Variants in FSTL4 observed in about 807,000 individuals in gnomAD.
The protein encoded by FSTL4 is follistatin-related protein 4.
Under a neutral mutation model 78.2 loss-of-function variants are expected in FSTL4, and 28 were observed. That is an observed-to-expected ratio of 0.36 (90% CI 0.27 to 0.49). The LOEUF is 0.49. Among genes scored for constraint, FSTL4 ranks in the 20% least tolerant of loss-of-function variants. The probability of loss-of-function intolerance (pLI) is 0.98; values close to 1 mark genes in which losing one functional copy is unlikely to be tolerated. For missense variants in FSTL4, 922 were observed against 1,084.9 expected (o/e 0.85, Z 2.11); for synonymous variants, 422 against 440.5 (o/e 0.96, Z 0.53).
upstream of FSTL4, among the ~76,000 whole-genome samples, chr5:133,616,731 C>T (rs1448147519): frequency 1.3e-5 from 2 of 152,150 alleles, no homozygotes; most frequent in East Asian, 1.9e-4. Context: ...ATAAACGTTC[C>T]TTTCAAATGA....
intron 3 of FSTL4, among the ~76,000 whole-genome samples, chr5:133,496,052 G>A (rs563619520): frequency 1.2e-4 from 18 of 152,230 alleles, no homozygotes; most frequent in East Asian, 1.2e-3. Context: ...CAGCTCTGAC[G>A]CTGGGAGCAG....
chr5:133,595,238 TG>T (rs1760715344), intron 2 of FSTL4, among the ~76,000 whole-genome samples: 2 of 152,200 alleles, frequency 1.3e-5, no homozygotes, highest in Non-Finnish European at 2.9e-5. Flanking sequence ...TACGATTCTC[TG>T]AAGCCTCTCC....
In FSTL4 at chr5:133,400,760, G is replaced by A. The variant is rs752100054; in HGVS notation, c.387C>T (p.His129=). 2 of 1,613,976 alleles carry A rather than the reference G, an allele frequency of 1.2e-6. No homozygotes were observed. The highest frequency in any genetic ancestry group is 1.1e-5 in the South Asian group (1 of 91,088). The change falls in exon 4 of 16, where the codon CAC becomes CAT. Residue 129 remains histidine, a synonymous_variant. Transcript: ENST00000265342. ...TACCTTTGAGGAAACAGTCCTTGCT[G>A]TGGATGACGGTGATCCTCTTTCCCA... ...CLLGKRITVI[H]SKDCFLKGDT...
intron 3 of FSTL4, among the ~76,000 whole-genome samples, chr5:133,522,878 G>A (rs1759008635): frequency 6.6e-6 from 1 of 152,198 alleles, no homozygotes; most frequent in Non-Finnish European, 1.5e-5. Flanking sequence ...AGCACTGATT[G>A]GGAACTGTTA....
intron 3 of FSTL4, among the ~76,000 whole-genome samples, chr5:133,545,319 G>A (rs2545542): frequency 0.39 from 59,091 of 151,934 alleles, 11,639 homozygotes; most frequent in African/African-American, 0.42. Context: ...TGCCACTCTC[G>A]CAGGACTGGA....
chr5:133,388,000 C>T (rs974389469), intron 4 of FSTL4: 1 of 152,224 alleles, frequency 6.6e-6, no homozygotes, highest in Admixed American at 6.5e-5. Context: ...GGAATATTGC[C>T]CTCATGTATG....
chr5:133,512,495 T>C (rs902304217), intron 3 of FSTL4, among the ~76,000 whole-genome samples: 5 of 152,362 alleles, frequency 3.3e-5, no homozygotes, highest in Non-Finnish European at 7.3e-5. Context: ...AGATTTGACA[T>C]AGAATAATGT....
chr5:133,528,869 A>G (rs534494388), intron 3 of FSTL4, among the ~76,000 whole-genome samples: 65 of 152,374 alleles, frequency 4.3e-4, no homozygotes, highest in Non-Finnish European at 7.1e-4. Context: ...TTGTTTGGAC[A>G]CAGAGCTGTT....
chr5:133,706,041 C>T, the FSTL4 span, among the ~76,000 whole-genome samples: 1 of 152,204 alleles, frequency 6.6e-6, no homozygotes, highest in Non-Finnish European at 1.5e-5. Flanking sequence ...CAAATGCTCC[C>T]ATAAAGTCTG....
intron 1 of FSTL4, among the ~76,000 whole-genome samples, chr5:133,609,546 A>G (rs1761046516): frequency 6.6e-6 from 1 of 152,216 alleles, no homozygotes; most frequent in Non-Finnish European, 1.5e-5. Context: ...ATTTCCTAAG[A>G]CAGTCCCTAA....
chr5:133,581,210 T>C (rs1760397556), intron 2 of FSTL4, among the ~76,000 whole-genome samples: 1 of 152,246 alleles, frequency 6.6e-6, no homozygotes, highest in Non-Finnish European at 1.5e-5. Context: ...TTCAATTTTC[T>C]TTTACAACAG....
At chr5:133,718,089 T>A in the FSTL4 span, among the ~76,000 whole-genome samples, 74 of 151,472 alleles carry the variant, frequency 4.9e-4, no homozygotes, top group African/African-American at 1.8e-3. Flanking sequence ...TGTTTGTTTT[T>A]TGGTTTTTGG....
At chr5:133,328,996 A>C (rs755044366) in intron 4 of FSTL4, among the ~76,000 whole-genome samples, 36 of 152,072 alleles carry the variant, frequency 2.4e-4, no homozygotes, top group Non-Finnish European at 7.4e-5. Context: ...GTGGCCTTTG[A>C]GTGGCCACTA....
chr5:133,643,348 A>T, the FSTL4 span, among the ~76,000 whole-genome samples: 12 of 152,206 alleles, frequency 7.9e-5, no homozygotes, highest in Non-Finnish European at 1.5e-4. Flanking sequence ...TGTTATAATC[A>T]TCAAAAACCC....
At chr5:133,205,924 C>T (rs534679866) in intron 14 of FSTL4, among the ~76,000 whole-genome samples, 1 of 152,124 alleles carries the variant, frequency 6.6e-6, no homozygotes. Flanking sequence ...TCAGACACCC[C>T]GAGCACAAAC....
At chr5:133,278,220 G>A (rs1350653267) in intron 6 of FSTL4, among the ~76,000 whole-genome samples, 1 of 152,158 alleles carries the variant, frequency 6.6e-6, no homozygotes, top group Non-Finnish European at 1.5e-5. Flanking sequence ...TCTATAGGAG[G>A]GCTAGGCATC....
chr5:133,617,303 A>T (rs1761217339), upstream of FSTL4, among the ~76,000 whole-genome samples: 1 of 146,128 alleles, frequency 6.8e-6, no homozygotes, highest in Non-Finnish European at 1.5e-5. Flanking sequence ...CATCTCAAAA[A>T]AAAAAAAAAA....
chr5:133,379,549 A>G (rs1420386861), intron 4 of FSTL4, among the ~76,000 whole-genome samples: 1 of 152,224 alleles, frequency 6.6e-6, no homozygotes, highest in African/African-American at 2.4e-5. Flanking sequence ...CACACAAAAT[A>G]TGTTCATCTA....
intron 3 of FSTL4, among the ~76,000 whole-genome samples, chr5:133,498,509 G>A (rs971874536): frequency 2.6e-5 from 4 of 152,132 alleles, no homozygotes; most frequent in Non-Finnish European, 4.4e-5. Flanking sequence ...ACGAGAGGCT[G>A]GGAGTTCGAG....
Sources: allele counts gnomAD v4.1 joint callset (sites outside exome capture counted in the v4.1 genomes callset), GRCh38; gene constraint gnomAD v4.1.1; transcripts MANE v1.5; gene names NCBI Gene and HGNC (gene_info 2026-07-23, HGNC 2026-07-21).